PIGG: variants seen among roughly 807,000 people sequenced by gnomAD.
PIGG encodes GPI ethanolamine phosphate transferase 2, catalytic subunit.
A neutral mutation model predicts 83.2 loss-of-function variants in PIGG; 70 were observed. That is an observed-to-expected ratio of 0.84 (90% CI 0.69 to 1.03). PIGG has a LOEUF of 1.03. Among genes scored for constraint, PIGG ranks in the 50% least tolerant of loss-of-function variants. The pLI, the probability that PIGG is intolerant of heterozygous loss-of-function variation, is 0.00. For missense variants in PIGG, 1,257 were observed against 1,233.6 expected (o/e 1.02, Z -0.28); for synonymous variants, 532 against 519.5 (o/e 1.02, Z -0.33).
chr4:527,971 A>T (rs1047410717), intron 10 of PIGG: 1 of 985,278 alleles, frequency 1.0e-6, no homozygotes, highest in Non-Finnish European at 1.2e-6. Flanking sequence ...AGGCATGTCC[A>T]CTGAAGTGTC....
chr4:536,755 G>T (rs574559282), intron 12 of PIGG: 1 of 152,468 alleles, frequency 6.6e-6, no homozygotes. Context: ...GCGTGAGCGC[G>T]TGGAGGTGCA....
intron 5 of PIGG, among the ~76,000 whole-genome samples, chr4:510,952 C>G (rs1721684772): frequency 6.6e-6 from 1 of 151,990 alleles, no homozygotes; most frequent in Non-Finnish European, 1.5e-5. Context: ...TGGCTTCTTT[C>G]ATGTAGGATA....
intron 2 of PIGG, among the ~76,000 whole-genome samples, chr4:505,459 CAAAAAAAAAAAAA>C (rs35308755): frequency 6.7e-5 from 3 of 45,010 alleles, no homozygotes; most frequent in South Asian, 1.1e-3. Flanking sequence ...CTGTATCTAC[CAAAAAAAAAAAAA>C]AAAAAAAAAA....
chr4:520,079 C>A (rs1163154224), intron 6 of PIGG, among the ~76,000 whole-genome samples: 1 of 152,214 alleles, frequency 6.6e-6, no homozygotes, highest in Non-Finnish European at 1.5e-5. Context: ...TGCCACAGCA[C>A]CCTGGACCTC....
At chr4:509,127 T>C (rs1720963410) in intron 5 of PIGG, among the ~76,000 whole-genome samples, 157 bp downstream of exon 5, 1 of 152,204 alleles carries the variant, frequency 6.6e-6, no homozygotes, top group Non-Finnish European at 1.5e-5. Context: ...GCTTTTGGGA[T>C]CTGAAGTTAC....
At chr4:503,986 TATA>T (rs1197348713) in intron 2 of PIGG, among the ~76,000 whole-genome samples, 1 of 152,096 alleles carries the variant, frequency 6.6e-6, no homozygotes, top group Non-Finnish European at 1.5e-5. Flanking sequence ...ACTATTGAAA[TATA>T]ATTTTTATAC....
chr4:508,968 C>G lies in PIGG; in HGVS notation c.899C>G (p.Pro300Arg). Residue 300 changes from proline to arginine, a missense_variant and splice_region_variant, in exon 5 of 13, where the codon CCC (proline) becomes CGC (arginine). By Grantham distance (103) the Pro-to-Arg change is moderately radical. Coordinates refer to ENST00000453061, the MANE Select transcript of PIGG (RefSeq NM_001127178.3). ...ATCAGTTCTGCGTTTGAAAGGAAAC[C>G]CGGTGAGAATTTAGGAATGTTAACA... ...ILISSAFERK[P>R]GDIRHPKHVQ... 6.2e-7 allele frequency: 1 copy of G among 1,609,008 alleles called. No homozygotes were observed. The highest frequency in any genetic ancestry group is 8.5e-7 in the Non-Finnish European group (1 of 1,177,094).
At chr4:506,107 C>T (rs1379848964) in intron 3 of PIGG, among the ~76,000 whole-genome samples, 180 bp downstream of exon 3, 6 of 151,942 alleles carry the variant, frequency 3.9e-5, no homozygotes, top group African/African-American at 1.5e-4. Context: ...CCCAGAAATA[C>T]AAACCTGAAG....
At chr4:517,114 A>G (rs1449493808) in intron 6 of PIGG, among the ~76,000 whole-genome samples, 3 of 152,230 alleles carry the variant, frequency 2.0e-5, no homozygotes, top group Admixed American at 2.0e-4. Flanking sequence ...TTTCACTTGT[A>G]TTCTGAGTTA....
intron 6 of PIGG, among the ~76,000 whole-genome samples, chr4:520,209 T>A (rs886240300): frequency 1.3e-5 from 2 of 152,242 alleles, no homozygotes; most frequent in African/African-American, 2.4e-5. Context: ...TTGGCATGGC[T>A]CTTCTGGAGT....
chr4:534,038 G>T, intron 12 of PIGG, 57 bp downstream of exon 12: 2 of 1,525,530 alleles, frequency 1.3e-6, no homozygotes, highest in East Asian at 4.5e-5. Flanking sequence ...TGGTTTTAAG[G>T]GTCGTACTTT....
rs977379577 is a variant in PIGG, at chr4:515,537, T to C, written c.902-436T>C. Among the ~76,000 whole-genome samples the C allele has an allele frequency of 5.3e-5, 8 of 152,202 alleles. No homozygotes were observed. Among genetic ancestry groups the C allele is most frequent in the African/African-American group, 1.4e-4 (6 of 41,446 alleles). On this transcript the variant is annotated intron_variant, in intron 5 of 12. Transcript: ENST00000453061. The surrounding 1 kb of genome is among the most constrained non-coding windows in gnomAD (Gnocchi z 4.2). ...TTTATTTTCTCCATGAGCAACAGCA[T>C]GTGTGCTCGTAGAGGGCAGAGCATG... is the stretch of plus-strand genomic sequence containing the variant.
chr4:508,920 A>T lies in PIGG; in HGVS notation c.851A>T (p.Glu284Val), dbSNP rs782739263. ...AGTCACGGGGCCTCCTCCACCGAGGAGGTGAATACACCTCTGATTTTAATC... is the reference window on the plus strand; with the variant it reads ...AGTCACGGGGCCTCCTCCACCGAGGTGGTGAATACACCTCTGATTTTAATC... ...TGSHGASSTE[E>V]VNTPLILISS... The change falls in exon 5 of 13, where the codon GAG (glutamate) becomes GTG (valine). Residue 284 changes from glutamate to valine, a missense_variant. Transcript: ENST00000453061. 4.3e-6 allele frequency: 7 copies of T among 1,613,548 alleles called. No homozygotes were observed. The highest frequency in any genetic ancestry group is 5.1e-6 in the Non-Finnish European group (6 of 1,179,554).
chr4:505,702 C>G lies in PIGG; in HGVS notation c.361-16C>G. The G allele has an allele frequency of 1.2e-6, 2 of 1,602,708 alleles. No homozygotes were observed. Among genetic ancestry groups the G allele is most frequent in the Non-Finnish European group, 1.7e-6 (2 of 1,171,392 alleles). ...TTTGGATTCAGTGGCCTAATTCTTG[C>G]ATTTTCTGACTGCAGGCATTGATGA... On this transcript the variant is annotated splice_polypyrimidine_tract_variant and intron_variant, in intron 2 of 12. Coordinates refer to ENST00000453061, the MANE Select transcript of PIGG (RefSeq NM_001127178.3).
At position 539,313 on chromosome 4, in the gene PIGG, G is replaced by T. The variant is rs1164686372; in HGVS notation, c.2896G>T (p.Ala966Ser). The T allele has an allele frequency of 6.2e-7, 1 of 1,613,756 alleles. No individual in the cohort carries two copies. The highest frequency in any genetic ancestry group is 1.7e-5 in the Admixed American group (1 of 60,000). Residue 966 changes from alanine (A) to serine (S), a missense_variant, in exon 13 of 13, where the codon GCT becomes TCT. Ala to Ser is a moderately conservative substitution (Grantham distance 99, BLOSUM62 1). Transcript: ENST00000453061. ...LYEGMHLLITAAVCVFFTAMD... is the reference protein window; with the variant it reads ...LYEGMHLLITSAVCVFFTAMD... ...CGAGGGAATGCACCTGCTCATTACA[G>T]CTGCTGTCTGTGTATTCTTCACGGC...
At chr4:508,607 G>A (rs1279292386) in intron 4 of PIGG, among the ~76,000 whole-genome samples, 1 of 152,220 alleles carries the variant, frequency 6.6e-6, no homozygotes, top group Non-Finnish European at 1.5e-5. Flanking sequence ...AATGCAGCCT[G>A]CTGTGCTCCA....
At chr4:537,676 C>G (rs747923721) in intron 12 of PIGG, among the ~76,000 whole-genome samples, 1 of 152,000 alleles carries the variant, frequency 6.6e-6, no homozygotes, top group African/African-American at 2.4e-5. Flanking sequence ...CCAGAGGCAC[C>G]GGCCACCCAC....
chr4:503,438 C>G (rs1560272436), intron 2 of PIGG, among the ~76,000 whole-genome samples: 1 of 152,188 alleles, frequency 6.6e-6, no homozygotes, highest in African/African-American at 2.4e-5. Flanking sequence ...ATATAGGCCC[C>G]CTTCCGTGTT....
chr4:526,852 T>C (rs1231378378), intron 9 of PIGG, 187 bp from the exon 10 acceptor site: 3 of 699,590 alleles, frequency 4.3e-6, no homozygotes, highest in Non-Finnish European at 7.1e-6. Context: ...CCCACTGAGG[T>C]TGACCATCTT....
Sources: allele counts gnomAD v4.1 joint callset (sites outside exome capture counted in the v4.1 genomes callset), GRCh38; gene constraint gnomAD v4.1.1; non-coding constraint Gnocchi (gnomAD v3.1); transcripts MANE v1.5; gene names NCBI Gene and HGNC (gene_info 2026-07-23, HGNC 2026-07-21).